The following ZFHX3 variants were observed in gnomAD, a reference collection of about 807,000 sequenced individuals.
ZFHX3 encodes zinc finger homeobox 3, also known as zinc finger homeobox protein 3.
In ZFHX3, 42 loss-of-function variants were observed where a neutral mutation model predicts 279.1. That is an observed-to-expected ratio of 0.15 (90% confidence interval 0.12 to 0.19). ZFHX3 has a LOEUF of 0.19. Ranked by LOEUF, ZFHX3 falls within the 10% of genes least tolerant of loss-of-function variation. The pLI is 1.00. For missense variants in ZFHX3, 4,981 were observed against 4,754.0 expected, an observed-to-expected ratio of 1.05 and a Z score of -1.40; for synonymous variants, 2,293 against 1,957.8, an observed-to-expected ratio of 1.17 and a Z score of -4.52.
At chr16:73,500,514 A>G (rs2143663489) in intron 2 of ZFHX3, among the ~76,000 whole-genome samples, 1 of 151,976 alleles carries the variant, frequency 6.6e-6, no homozygotes, top group East Asian at 1.9e-4. Flanking sequence ...TTTTGTAGAG[A>G]CAGGATTTCA....
At chr16:73,509,061 T>G (rs779735686) in intron 2 of ZFHX3, among the ~76,000 whole-genome samples, 1 of 152,198 alleles carries the variant, frequency 6.6e-6, no homozygotes, top group African/African-American at 2.4e-5. Flanking sequence ...ACAAAGTTGA[T>G]AGTAATTAAT....
At chr16:73,689,495 T>G (rs2053124824) in intron 1 of ZFHX3, among the ~76,000 whole-genome samples, 1 of 152,204 alleles carries the variant, frequency 6.6e-6, no homozygotes, top group Admixed American at 6.5e-5. Flanking sequence ...ATTCAGGTGC[T>G]TCCTTTGCTG....
intron 8 of ZFHX3, among the ~76,000 whole-genome samples, chr16:73,085,188 G>A (rs574246219): frequency 6.6e-6 from 1 of 152,330 alleles, no homozygotes; most frequent in South Asian, 2.1e-4. Flanking sequence ...CATAGAAACA[G>A]CCACATAGAC....
chr16:73,034,960 C>G (rs1964845894), intron 1 of ZFHX3, among the ~76,000 whole-genome samples: 1 of 152,190 alleles, frequency 6.6e-6, no homozygotes, highest in Non-Finnish European at 1.5e-5. Flanking sequence ...AGCAGCTGGT[C>G]ACAGGGGTGA....
rs1181961444 is a variant in ZFHX3 at position 73,148,229 on chromosome 16, C to T, written c.-1103-4398G>A. On this transcript the variant is annotated intron_variant, in intron 5 of 17. Coordinates refer to the ZFHX3 transcript ENST00000641206. ...AAGCCTAACATATTTACCATTTGGC[C>T]CTTTATAGTAAACGTTTGCCAGCCC... is the stretch of plus-strand genomic sequence containing the variant. Among the ~76,000 whole-genome samples the T allele has an allele frequency of 2.6e-5, 4 of 152,158 alleles. No homozygotes were observed. The East Asian group carries it at 7.8e-4, about 30-fold the overall frequency.
intron 2 of ZFHX3, among the ~76,000 whole-genome samples, chr16:73,528,166 G>C (rs886907414): frequency 2.0e-5 from 3 of 152,194 alleles, no homozygotes; most frequent in African/African-American, 4.8e-5. Flanking sequence ...GGTTCTGTTC[G>C]TGGGAAGGGA....
At chr16:72,844,701 G>A (rs1481266494) in intron 4 of ZFHX3, among the ~76,000 whole-genome samples, 1 of 152,112 alleles carries the variant, frequency 6.6e-6, no homozygotes, top group Non-Finnish European at 1.5e-5. Flanking sequence ...CTTAGAGGTC[G>A]TTAAACCATG....
At chr16:73,890,645 G>A (rs1337145334) in intron 1 of ZFHX3, among the ~76,000 whole-genome samples, 4 of 151,912 alleles carry the variant, frequency 2.6e-5, no homozygotes, top group African/African-American at 9.7e-5. Flanking sequence ...GAAAAGCCTT[G>A]GTATCCCAGC....
intron 5 of ZFHX3, among the ~76,000 whole-genome samples, chr16:73,241,790 C>CAAAAAAAAAAAAAAAAAAAAAA (rs60214410): frequency 3.9e-5 from 2 of 51,288 alleles, no homozygotes; most frequent in Admixed American, 2.6e-4. Context: ...AACTCCGTCT[C>CAAAAAAAAAAAAAAAAAAAAAA]AAAAAAAAAA....
intron 1 of ZFHX3, among the ~76,000 whole-genome samples, chr16:73,031,906 CCCAATAGAATGCACAT>C (rs1964716469): frequency 6.6e-6 from 1 of 151,944 alleles, no homozygotes; most frequent in East Asian, 1.9e-4. Context: ...AAGGCAGCAC[CCCAATAGAATGCACAT>C]TCTAGAACCT....
intron 1 of ZFHX3, among the ~76,000 whole-genome samples, chr16:73,838,798 G>A (rs74030904): frequency 0.014 from 2,186 of 151,900 alleles, 53 homozygotes; most frequent in African/African-American, 0.05. Flanking sequence ...GTGCGTGCGC[G>A]CACGCATGTA....
chr16:73,116,183 T>TG (rs1020892255), intron 7 of ZFHX3, among the ~76,000 whole-genome samples: 2 of 151,998 alleles, frequency 1.3e-5, no homozygotes, highest in African/African-American at 4.8e-5. Flanking sequence ...TTAGTGCTTA[T>TG]GCCCTTTGGG....
intron 3 of ZFHX3, among the ~76,000 whole-genome samples, chr16:73,424,271 T>C (rs1365477318): frequency 6.6e-6 from 1 of 152,212 alleles, no homozygotes; most frequent in African/African-American, 2.4e-5. Flanking sequence ...GAGGTAATGA[T>C]ACTTACTCTG....
chr16:73,282,991 A>G (rs950340167), intron 4 of ZFHX3, among the ~76,000 whole-genome samples: 2 of 152,214 alleles, frequency 1.3e-5, no homozygotes, highest in African/African-American at 4.8e-5. Context: ...TCCTGCCCTC[A>G]TGGATATCAC....
intron 1 of ZFHX3, among the ~76,000 whole-genome samples, chr16:72,962,880 G>A (rs944508932): frequency 2.0e-5 from 3 of 152,084 alleles, no homozygotes; most frequent in Non-Finnish European, 2.9e-5. Context: ...AGATGGAGAA[G>A]AGGGGGACGC....
At chr16:73,363,128 G>A (rs1259720581) in intron 3 of ZFHX3, among the ~76,000 whole-genome samples, 1 of 152,144 alleles carries the variant, frequency 6.6e-6, no homozygotes, top group African/African-American at 2.4e-5. Context: ...TAGAATTGAG[G>A]CACCAGGCTG....
At chr16:73,793,336 C>G (rs1398715482) in intron 1 of ZFHX3, among the ~76,000 whole-genome samples, 1 of 152,200 alleles carries the variant, frequency 6.6e-6, no homozygotes, top group Non-Finnish European at 1.5e-5. Flanking sequence ...AGAGTGATAC[C>G]TAAGGATGGC....
At chr16:73,878,577 C>G (rs2030030586) in intron 1 of ZFHX3, among the ~76,000 whole-genome samples, 1 of 151,902 alleles carries the variant, frequency 6.6e-6, no homozygotes, top group Non-Finnish European at 1.5e-5. Flanking sequence ...CAGATCTAGT[C>G]TATATTTTTT....
intron 1 of ZFHX3, among the ~76,000 whole-genome samples, chr16:73,772,990 C>T (rs986929605): frequency 1.3e-5 from 2 of 152,192 alleles, no homozygotes; most frequent in African/African-American, 4.8e-5. Flanking sequence ...CAGGACTTGG[C>T]TGTGTCATGC....
Sources: gnomAD v4.1 joint callset for allele counts (sites outside exome capture counted in the v4.1 genomes callset) on GRCh38, gnomAD v4.1.1 for gene constraint, MANE v1.5 for transcripts, NCBI Gene and HGNC (gene_info 2026-07-23, HGNC 2026-07-21) for gene names.